Variants in PSPC1 observed in about 807,000 individuals in gnomAD.
PSPC1 encodes paraspeckle protein 1.
PSPC1 carries 14 observed loss-of-function variants against 51.6 expected under a neutral mutation model. The ratio of observed to expected loss-of-function variants is 0.27; its 90% CI spans 0.18 to 0.42. PSPC1 has a LOEUF of 0.42. PSPC1 is among the 10% of genes least tolerant of loss of function. The pLI, the probability that PSPC1 is intolerant of heterozygous loss-of-function variation, is 1.00. For missense variants in PSPC1, 406 were observed against 701.1 expected, an observed-to-expected ratio of 0.58 and a Z score of 4.75; for synonymous variants, 193 against 231.9, an observed-to-expected ratio of 0.83 and a Z score of 1.53.
rs1016284728 is a variant in PSPC1 at position 19,714,976 on chromosome 13, C to T, written c.1159-5377G>A. On this transcript the variant is annotated intron_variant, in intron 6 of 8. Coordinates refer to ENST00000338910, the MANE Select transcript of PSPC1 (RefSeq NM_001354909.2). ...GCAATAGATGGACTGCAAAAGCAAA[C>T]GTGGGAAGCCAACCATTTTTTATAG... 2.6e-5 allele frequency among the ~76,000 whole-genome samples: 4 copies of T among 152,218 alleles called. No homozygotes were observed. In the East Asian group the frequency reaches 5.8e-4, roughly 22 times the overall value.
intron 6 of PSPC1, among the ~76,000 whole-genome samples, chr13:19,694,039 C>T (rs904629875): frequency 4.4e-5 from 6 of 135,804 alleles, no homozygotes; most frequent in South Asian, 2.6e-4. Context: ...AGGAGAATGG[C>T]GTGAACCCGG....
intron 6 of PSPC1, chr13:19,677,937 T>A: frequency 2.3e-6 from 1 of 431,420 alleles, no homozygotes; most frequent in Non-Finnish European, 4.7e-6. Flanking sequence ...GAGGTTTCGA[T>A]ACCATGTAGT....
downstream of PSPC1, among the ~76,000 whole-genome samples, chr13:19,699,227 C>T (rs188288697): frequency 2.6e-5 from 4 of 151,626 alleles, no homozygotes; most frequent in African/African-American, 4.8e-5. Flanking sequence ...TTTGTAGAGA[C>T]GAGGTCTCAC....
intron 1 of PSPC1, among the ~76,000 whole-genome samples, chr13:19,781,127 T>C (rs904168941): frequency 2.2e-5 from 3 of 137,662 alleles, no homozygotes; most frequent in South Asian, 2.3e-4. Context: ...GCCTGGGTGA[T>C]AGAGCGAGAC....
chr13:19,756,711 G>A (rs555045974), intron 3 of PSPC1, among the ~76,000 whole-genome samples: 1 of 151,988 alleles, frequency 6.6e-6, no homozygotes, highest in East Asian at 2.0e-4. Flanking sequence ...ATGTTAGGCT[G>A]GTCTCAAACT....
At chr13:19,683,404 C>T (rs1010723703) in intron 6 of PSPC1, among the ~76,000 whole-genome samples, 2 of 151,918 alleles carry the variant, frequency 1.3e-5, no homozygotes, top group African/African-American at 4.8e-5. Context: ...TGGAAGAAGC[C>T]GGAGAGAAAA....
rs116537028 is a variant in PSPC1 at position 19,691,292 on chromosome 13, G to A, written c.1159-13469C>T. On this transcript the variant is annotated intron_variant and NMD_transcript_variant, in intron 6 of 7. Coordinates refer to the PSPC1 transcript ENST00000471658. ...TCCCAGCACTTTGGGAGGCCAAGGC[G>A]GGAGGATCATTTGAGACAAGGAGTT... Among the ~76,000 whole-genome samples the A allele has an allele frequency of 5.0e-3, 767 of 151,938 alleles. 7 individuals are homozygous for A. The highest frequency in any genetic ancestry group is 0.017 in the African/African-American group (693 of 41,448).
At chr13:19,704,857 AT>A (rs1294510825) in intron 8 of PSPC1, among the ~76,000 whole-genome samples, 2 of 152,236 alleles carry the variant, frequency 1.3e-5, no homozygotes, top group Non-Finnish European at 1.5e-5. Flanking sequence ...ATAATTTAAA[AT>A]TCTGTGAAAA....
chr13:19,715,248 G>A (rs1297725936), intron 6 of PSPC1, among the ~76,000 whole-genome samples: 1 of 152,160 alleles, frequency 6.6e-6, no homozygotes, highest in Non-Finnish European at 1.5e-5. Context: ...AAAGGTTTGA[G>A]AAGCAATATT....
intron 5 of PSPC1, among the ~76,000 whole-genome samples, chr13:19,739,989 T>G (rs985240256): frequency 6.6e-6 from 1 of 152,066 alleles, no homozygotes; most frequent in Admixed American, 6.6e-5. Context: ...GGCTTGAGAC[T>G]ACATTCCTAA....
At chr13:19,700,853 C>A (rs1466410555), downstream of PSPC1, among the ~76,000 whole-genome samples, 1 of 152,040 alleles carries the variant, frequency 6.6e-6, no homozygotes, top group Non-Finnish European at 1.5e-5. Context: ...ATTTTTGTAT[C>A]TACCACTTTT....
intron 6 of PSPC1, among the ~76,000 whole-genome samples, chr13:19,683,758 T>C (rs1215749543): frequency 6.6e-6 from 1 of 152,148 alleles, no homozygotes; most frequent in Non-Finnish European, 1.5e-5. Flanking sequence ...AACACTGAAG[T>C]TTAGATAAAT....
At chr13:19,688,202 G>A (rs1456438174) in intron 6 of PSPC1, among the ~76,000 whole-genome samples, 3 of 151,690 alleles carry the variant, frequency 2.0e-5, no homozygotes, top group African/African-American at 4.8e-5. Context: ...TCTCTTTGCC[G>A]AACTCCCTGT....
At chr13:19,699,634 A>C (rs1181897870), downstream of PSPC1, among the ~76,000 whole-genome samples, 1 of 152,006 alleles carries the variant, frequency 6.6e-6, no homozygotes, top group Non-Finnish European at 1.5e-5. Flanking sequence ...AATTAACCTA[A>C]AAATGTTGTT....
Position 19,762,680 on chromosome 13 carries a change from T to C in PSPC1, c.675-3262A>G, listed in dbSNP as rs947103651. 3.3e-5 allele frequency among the ~76,000 whole-genome samples: 5 copies of C among 152,364 alleles called. No individual in the cohort carries two copies. The East Asian group carries it at 7.7e-4, about 24-fold the overall frequency. On this transcript the variant is annotated intron_variant, in intron 2 of 8. Coordinates refer to ENST00000338910, the MANE Select transcript of PSPC1 (RefSeq NM_001354909.2). Reference sequence around the variant, plus strand: ...AGGGACTGTGTCTTATTTTTATTTATTGGAACACATGCTAAAATGTGTTTC... The same window carrying C: ...AGGGACTGTGTCTTATTTTTATTTACTGGAACACATGCTAAAATGTGTTTC...
At chr13:19,718,060 T>G (rs1315944718) in intron 6 of PSPC1, among the ~76,000 whole-genome samples, 1 of 151,984 alleles carries the variant, frequency 6.6e-6, no homozygotes, top group African/African-American at 2.4e-5. Flanking sequence ...TTTTTAAACG[T>G]TTTAAAATGA....
intron 1 of PSPC1, among the ~76,000 whole-genome samples, chr13:19,779,701 C>G (rs1457233793): frequency 1.7e-5 from 2 of 117,818 alleles, no homozygotes; most frequent in Non-Finnish European, 3.6e-5. Context: ...CAGCCCCCCG[C>G]CCGGCCAGCC....
At chr13:19,732,925 T>TC (rs1884301268) in intron 5 of PSPC1, among the ~76,000 whole-genome samples, 2 of 42,958 alleles carry the variant, frequency 4.7e-5, no homozygotes, top group Admixed American at 5.3e-4. Flanking sequence ...AGACTCCATC[T>TC]CAAAAAAAAA....
At chr13:19,720,676 T>C (rs1323959483) in intron 6 of PSPC1, among the ~76,000 whole-genome samples, 1 of 152,136 alleles carries the variant, frequency 6.6e-6, no homozygotes, top group African/African-American at 2.4e-5. Flanking sequence ...AACAATCATA[T>C]CAATTGGTTA....
Sources: gnomAD v4.1 joint callset for allele counts (sites outside exome capture counted in the v4.1 genomes callset) on GRCh38, gnomAD v4.1.1 for gene constraint, MANE v1.5 for transcripts, NCBI Gene and HGNC (gene_info 2026-07-23, HGNC 2026-07-21) for gene names.